Variants in TET1 observed in about 807,000 individuals in gnomAD.
TET1 encodes the protein tet methylcytosine dioxygenase 1.
Under a neutral mutation model 148.7 loss-of-function variants are expected in TET1, and 13 were observed. That is an observed-to-expected ratio of 0.09 (90% CI 0.06 to 0.14). The LOEUF is 0.14. Ranked by LOEUF, TET1 falls within the 10% of genes least tolerant of loss-of-function variation. The probability of loss-of-function intolerance (pLI) is 1.00; values close to 1 mark genes in which losing one functional copy is unlikely to be tolerated. For missense variants in TET1, 2,182 were observed against 2,553.8 expected (o/e 0.85, Z 3.14); for synonymous variants, 907 against 937.2 (o/e 0.97, Z 0.59).
At chr10:68,587,552 C>T (rs2053874476) in intron 2 of TET1, among the ~76,000 whole-genome samples, 1 of 152,034 alleles carries the variant, frequency 6.6e-6, no homozygotes, top group East Asian at 1.9e-4. Context: ...ACTAATAAAA[C>T]AAGAAAATCA....
At chr10:68,639,018 C>A (rs1004636179) in intron 3 of TET1, among the ~76,000 whole-genome samples, 1 of 151,636 alleles carries the variant, frequency 6.6e-6, no homozygotes, top group Non-Finnish European at 1.5e-5. Flanking sequence ...TAGGATGGTC[C>A]CAGAGCAAGT....
intron 2 of TET1, among the ~76,000 whole-genome samples, chr10:68,595,945 T>C (rs187487749): frequency 0.14 from 5,310 of 37,128 alleles, 527 homozygotes; most frequent in Admixed American, 0.18. Context: ...TATATATATA[T>C]ATATATATAT....
chr10:68,639,970 CAG>C (rs1224267890), intron 3 of TET1, among the ~76,000 whole-genome samples: 2 of 152,198 alleles, frequency 1.3e-5, no homozygotes, highest in Non-Finnish European at 2.9e-5. Flanking sequence ...CCCTGTCGCC[CAG>C]GCTGGAGTGG....
chr10:68,581,686 T>A (rs1301778627), intron 2 of TET1, among the ~76,000 whole-genome samples: 1 of 151,736 alleles, frequency 6.6e-6, no homozygotes, highest in Non-Finnish European at 1.5e-5. Context: ...TCCAAAAAAA[T>A]ACAAAAATAT....
rs146889442 is a variant in TET1, at chr10:68,633,098, C to T, written c.1969-11600C>T. On this transcript the variant is annotated intron_variant, in intron 3 of 11. Transcript: ENST00000373644. Reference sequence around the variant, plus strand: ...ACTAGTGAGGCTGAGGCAGGACAATCACTTGAACCCAGGAGGTGGAGGTTG... The same window carrying T: ...ACTAGTGAGGCTGAGGCAGGACAATTACTTGAACCCAGGAGGTGGAGGTTG... Among the ~76,000 whole-genome samples the T allele has an allele frequency of 6.9e-3, 1,048 of 152,174 alleles. 13 individuals carry two copies. The highest frequency in any genetic ancestry group is 0.024 in the African/African-American group (982 of 41,526).
chr10:68,608,863 T>A (rs2054165493), intron 3 of TET1, among the ~76,000 whole-genome samples: 1 of 151,884 alleles, frequency 6.6e-6, no homozygotes, highest in Non-Finnish European at 1.5e-5. Context: ...AAAAAAAAAT[T>A]TTTTTTAATA....
intron 2 of TET1, among the ~76,000 whole-genome samples, chr10:68,584,770 T>C (rs538343900): frequency 1.3e-5 from 2 of 151,928 alleles, no homozygotes; most frequent in East Asian, 3.9e-4. Context: ...ATATGCAGTA[T>C]ACTATAGCAG....
chr10:68,622,074 A>G (rs923414519), intron 3 of TET1, among the ~76,000 whole-genome samples: 4 of 152,210 alleles, frequency 2.6e-5, no homozygotes, highest in African/African-American at 9.6e-5. Context: ...ACACAGTGCT[A>G]TTAACTATGT....
rs796631255 is a variant in TET1 at position 68,668,608 on chromosome 10, T to G, written c.4673+1352T>G. Among the ~76,000 whole-genome samples the G allele has an allele frequency of 1.4e-4, 22 of 152,282 alleles. 1 individual carries two copies. Among genetic ancestry groups the G allele is most frequent in the African/African-American group, 5.3e-4 (22 of 41,554 alleles). ...GTTGTTTTGTTTTTTTGAGACGGAGTCTCGCTCTGTCACCAGGCTGGAGTG... is the reference window on the plus strand; with the variant it reads ...GTTGTTTTGTTTTTTTGAGACGGAGGCTCGCTCTGTCACCAGGCTGGAGTG... On this transcript the variant is annotated intron_variant, in intron 7 of 11. Coordinates refer to ENST00000373644, the MANE Select transcript of TET1 (RefSeq NM_030625.3).
chr10:68,565,501 CACACAG>C (rs1346866748), intron 1 of TET1, among the ~76,000 whole-genome samples: 4 of 90,268 alleles, frequency 4.4e-5, no homozygotes, highest in African/African-American at 1.4e-4. Context: ...TATATATATG[CACACAG>C]ACACACACAC....
intron 6 of TET1, among the ~76,000 whole-genome samples, chr10:68,658,746 A>C (rs1330224093): frequency 6.6e-6 from 1 of 152,148 alleles, no homozygotes; most frequent in Non-Finnish European, 1.5e-5. Context: ...AGGGTAATGT[A>C]GTTTCTTAGA....
chr10:68,673,436 A>G, intron 8 of TET1: 1 of 412,772 alleles, frequency 2.4e-6, no homozygotes, highest in East Asian at 7.0e-5. Flanking sequence ...GACGTAATCC[A>G]GAAAGAAGAT....
At chr10:68,677,216 G>T (rs529016273) in intron 8 of TET1, among the ~76,000 whole-genome samples, 2 of 152,112 alleles carry the variant, frequency 1.3e-5, no homozygotes, top group Non-Finnish European at 2.9e-5. Flanking sequence ...CTTCTCCACC[G>T]CAAGAATGCT....
chr10:68,598,957 G>A (rs1403111847), intron 2 of TET1, among the ~76,000 whole-genome samples: 1 of 152,082 alleles, frequency 6.6e-6, no homozygotes, highest in Non-Finnish European at 1.5e-5. Flanking sequence ...AAAGTGTTAG[G>A]ATTACAGGCG....
chr10:68,601,688 G>A (rs1386373904), intron 3 of TET1, among the ~76,000 whole-genome samples: 1 of 152,040 alleles, frequency 6.6e-6, no homozygotes, highest in Admixed American at 6.6e-5. Context: ...TGTTTAGAAG[G>A]GTTAATTTAA....
chr10:68,607,014 A>G (rs1005670279), intron 3 of TET1, among the ~76,000 whole-genome samples: 2 of 152,190 alleles, frequency 1.3e-5, no homozygotes, highest in Admixed American at 6.6e-5. Flanking sequence ...ACCAGCTCAT[A>G]TACAGGCATT....
rs536548153 is a variant in TET1 at position 68,646,966 on chromosome 10, A to G, written c.4237A>G (p.Ile1413Val). Residue 1413 changes from isoleucine to valine, a missense_variant, in exon 4 of 12, where the codon ATA becomes GTA. This residue lies in a region of TET1 where 169 missense variants were observed against 263.7 expected (regional missense o/e 0.64). Transcript: ENST00000373644. ...TAACCCTACAAAAAACCTAGTGTCT[A>G]TAACTAAAGATTCTGAACTGCCCAC... ...FTNPTKNLVS[I>V]TKDSELPTCS... The G allele has an allele frequency of 1.6e-4, 255 of 1,613,872 alleles. 1 individual carries two copies. In the South Asian group the frequency reaches 2.4e-3, roughly 15 times the overall value.
intron 6 of TET1, among the ~76,000 whole-genome samples, chr10:68,665,526 C>A (rs1246175789): frequency 6.6e-6 from 1 of 152,070 alleles, no homozygotes; most frequent in Non-Finnish European, 1.5e-5. Context: ...AGACTCCTAA[C>A]CATTGTGCTT....
At chr10:68,615,109 A>AT in intron 3 of TET1, among the ~76,000 whole-genome samples, 1 of 151,344 alleles carries the variant, frequency 6.6e-6, no homozygotes, top group Non-Finnish European at 1.5e-5. Flanking sequence ...TAATTTTTGT[A>AT]TTTTTAGTAG....
Sources: allele counts gnomAD v4.1 joint callset (sites outside exome capture counted in the v4.1 genomes callset), GRCh38; gene constraint gnomAD v4.1.1; regional missense constraint gnomAD v4.1.1; transcripts MANE v1.5; gene names NCBI Gene and HGNC (gene_info 2026-07-23, HGNC 2026-07-21).